RAD54L2: variants seen among roughly 807,000 people sequenced by gnomAD.
RAD54L2 encodes RAD54 like 2.
In RAD54L2, 27 loss-of-function variants were observed where a neutral mutation model predicts 138.4. The ratio of observed to expected loss-of-function variants is 0.20; its 90% confidence interval spans 0.14 to 0.27. The LOEUF (loss-of-function observed/expected upper bound fraction) is 0.27. Ranked by LOEUF, RAD54L2 falls within the 10% of genes least tolerant of loss-of-function variation. The probability of loss-of-function intolerance (pLI) is 1.00; values close to 1 mark genes in which losing one functional copy is unlikely to be tolerated. For missense variants in RAD54L2, 1,396 were observed against 1,890.2 expected (o/e 0.74, Z 4.85); for synonymous variants, 644 against 723.2 (o/e 0.89, Z 1.76).
At chr3:51,545,392 A>G (rs1476127393) in intron 2 of RAD54L2, among the ~76,000 whole-genome samples, 1 of 151,668 alleles carries the variant, frequency 6.6e-6, no homozygotes, top group Admixed American at 6.6e-5. Context: ...GGGTTTTACC[A>G]TGTTGGTCAG....
chr3:51,619,632 C>T (rs966549562), intron 3 of RAD54L2, among the ~76,000 whole-genome samples: 1 of 152,050 alleles, frequency 6.6e-6, no homozygotes, highest in Non-Finnish European at 1.5e-5. Flanking sequence ...AATACAGTGT[C>T]ATGGTTTAAT....
At chr3:51,552,423 C>T (rs1035584379) in intron 2 of RAD54L2, among the ~76,000 whole-genome samples, 17 of 151,966 alleles carry the variant, frequency 1.1e-4, no homozygotes, top group African/African-American at 2.4e-4. Context: ...CCACCACGCC[C>T]GGCTGAGTTT....
At chr3:51,594,956 C>T (rs1342001496) in intron 3 of RAD54L2, among the ~76,000 whole-genome samples, 1 of 148,684 alleles carries the variant, frequency 6.7e-6, no homozygotes, top group African/African-American at 2.5e-5. Flanking sequence ...CCTTCACCTC[C>T]CAGGTTCAAG....
intron 3 of RAD54L2, among the ~76,000 whole-genome samples, chr3:51,591,372 T>C (rs916150975): frequency 6.6e-6 from 1 of 152,240 alleles, no homozygotes; most frequent in Non-Finnish European, 1.5e-5. Context: ...CTAGTGGGAC[T>C]GAACGTTGCA....
chr3:51,630,852 T>G lies in RAD54L2; in HGVS notation c.746T>G (p.Leu249Arg). The change falls in exon 7 of 23, where the codon CTT becomes CGT. Residue 249 changes from leucine to arginine, a missense_variant. By Grantham distance (102) the Leu-to-Arg change is moderately radical. Coordinates refer to ENST00000684192, the MANE Select transcript of RAD54L2 (RefSeq NM_015106.4). ...LNQRDALGRV[L>R]VNLNHPPEEE... ...CAGCGTGACGCCCTTGGGCGGGTCC[T>G]TGTCAACCTAAACCACCCTCCAGAG... 6.2e-7 allele frequency: 1 copy of G among 1,614,076 alleles called. No homozygotes were observed. The highest frequency in any genetic ancestry group is 8.5e-7 in the Non-Finnish European group (1 of 1,179,904).
chr3:51,615,016 T>C (rs560861609), intron 3 of RAD54L2, among the ~76,000 whole-genome samples: 3 of 152,046 alleles, frequency 2.0e-5, no homozygotes, highest in African/African-American at 7.2e-5. Flanking sequence ...TTATTTTATT[T>C]TATTTTATTT....
intron 3 of RAD54L2, among the ~76,000 whole-genome samples, chr3:51,597,609 C>T (rs571735585): frequency 1.1e-3 from 167 of 152,134 alleles, no homozygotes; most frequent in African/African-American, 4.0e-3. Context: ...AGGTGGTTCA[C>T]CTGAGGTCAG....
chr3:51,622,234 G>A (rs1375565740), intron 3 of RAD54L2, among the ~76,000 whole-genome samples: 1 of 152,128 alleles, frequency 6.6e-6, no homozygotes, highest in African/African-American at 2.4e-5. Flanking sequence ...TCTCATGTCT[G>A]GCTGGGCACA....
rs1700565372 is a variant in RAD54L2, at chr3:51,621,320, T to C, written c.140-6233T>C. ...CAAAGAATGCTGGGTGGTAAGGAAC[T>C]GGTTTAGACATGTATCATCTGTATA... On this transcript the variant is annotated intron_variant, in intron 3 of 22. Transcript: ENST00000684192. Among the ~76,000 whole-genome samples, 3 of 152,214 alleles carry C rather than the reference T, an allele frequency of 2.0e-5. No individual in the cohort carries two copies. The South Asian group carries it at 6.2e-4, about 31-fold the overall frequency.
chr3:51,542,709 C>A (rs536847302), intron 2 of RAD54L2, among the ~76,000 whole-genome samples: 1 of 152,136 alleles, frequency 6.6e-6, no homozygotes, highest in Admixed American at 6.5e-5. Context: ...GTGATCCGCC[C>A]GTCTTGGCCT....
At chr3:51,553,044 T>C (rs986486412) in intron 2 of RAD54L2, among the ~76,000 whole-genome samples, 2 of 152,170 alleles carry the variant, frequency 1.3e-5, no homozygotes, top group African/African-American at 4.8e-5. Context: ...GAGAATTTTT[T>C]GACTATTAGG....
At chr3:51,546,338 C>T (rs1553672259) in intron 2 of RAD54L2, among the ~76,000 whole-genome samples, 1 of 151,938 alleles carries the variant, frequency 6.6e-6, no homozygotes, top group African/African-American at 2.4e-5. Flanking sequence ...AAGTTGATAT[C>T]AGATAAAAAG....
chr3:51,565,294 G>A (rs1699188944), intron 2 of RAD54L2, among the ~76,000 whole-genome samples: 1 of 152,126 alleles, frequency 6.6e-6, no homozygotes, highest in South Asian at 2.1e-4. Context: ...GTGTGGGGGT[G>A]CTGAGATGGA....
rs1391659776 is a variant in RAD54L2 at position 51,639,399 on chromosome 3, TCC to T, written c.1861-18_1861-17del. On this transcript the variant is annotated intron_variant, in intron 12 of 22. Transcript: ENST00000684192. ...AATGTTTTTTGTCCTGTGTCTCCTCTCCCTTTCCTTGAACCTCAGATCTGGAA... is the reference window on the plus strand; with the variant it reads ...AATGTTTTTTGTCCTGTGTCTCCTCTCTTTCCTTGAACCTCAGATCTGGAA... 4 of 1,612,420 alleles carry T rather than the reference TCC, an allele frequency of 2.5e-6. No individual in the cohort carries two copies. The highest frequency in any genetic ancestry group is 1.3e-5 in the African/African-American group (1 of 74,890).
chr3:51,645,783 G>A lies in RAD54L2; in HGVS notation c.2829+20G>A, dbSNP rs553042882. 3 of 1,593,084 alleles carry A rather than the reference G, an allele frequency of 1.9e-6. No individual in the cohort carries two copies. The highest frequency in any genetic ancestry group is 2.7e-5 in the African/African-American group (2 of 74,354). ...ACCAAGGTAAGAACTTGGTATGCAT[G>A]CAATCCCCAGAGTGGCAGTCTCTCT... On this transcript the variant is annotated intron_variant, in intron 18 of 22. Coordinates refer to ENST00000684192, the MANE Select transcript of RAD54L2 (RefSeq NM_015106.4). The surrounding 1 kb of genome is among the most constrained non-coding windows in gnomAD (Gnocchi z 6.1).
At chr3:51,561,210 T>G (rs1162503806) in intron 2 of RAD54L2, among the ~76,000 whole-genome samples, 1 of 152,230 alleles carries the variant, frequency 6.6e-6, no homozygotes, top group Admixed American at 6.5e-5. Flanking sequence ...CTTGAAAACA[T>G]TCTGCTTTCT....
chr3:51,656,834 C>T (rs1701612646), intron 20 of RAD54L2, among the ~76,000 whole-genome samples: 1 of 151,922 alleles, frequency 6.6e-6, no homozygotes, highest in Admixed American at 6.6e-5. Flanking sequence ...CTCCTGGGCT[C>T]AAGCGATTCT....
At chr3:51,652,551 A>G (rs1701469129) in intron 19 of RAD54L2, among the ~76,000 whole-genome samples, 1 of 152,218 alleles carries the variant, frequency 6.6e-6, no homozygotes, top group South Asian at 2.1e-4. Context: ...CGGTAACCAA[A>G]ACAGCATGGT....
chr3:51,556,578 A>G (rs1173385737), intron 2 of RAD54L2, among the ~76,000 whole-genome samples: 2 of 77,438 alleles, frequency 2.6e-5, no homozygotes, highest in South Asian at 6.3e-4. Flanking sequence ...TCTTTTATCT[A>G]TCTCTCTTTT....
Sources: gnomAD v4.1 joint callset for allele counts (sites outside exome capture counted in the v4.1 genomes callset) on GRCh38, gnomAD v4.1.1 for gene constraint, Gnocchi (gnomAD v3.1) non-coding constraint, MANE v1.5 for transcripts, NCBI Gene and HGNC (gene_info 2026-07-23, HGNC 2026-07-21) for gene names.